Variants in SUSD3 observed in about 807,000 individuals in gnomAD.
SUSD3 encodes the protein sushi domain containing 3, also known as sushi domain-containing protein 3.
A neutral mutation model predicts 20.6 loss-of-function variants in SUSD3; 18 were observed. The observed-to-expected ratio is 0.87, with a 90% CI of 0.60 to 1.30. The LOEUF (loss-of-function observed/expected upper bound fraction) is 1.30. SUSD3 is among the 50% of genes most tolerant of loss of function. The pLI, the probability that SUSD3 is intolerant of heterozygous loss-of-function variation, is 0.00. For synonymous variants in SUSD3, 137 were observed against 141.5 expected, an observed-to-expected ratio of 0.97 and a Z score of 0.23; for missense variants, 306 against 346.9, an observed-to-expected ratio of 0.88 and a Z score of 0.94.
intron 1 of SUSD3, among the ~76,000 whole-genome samples, chr9:93,074,257 C>T (rs1014951356): frequency 5.0e-4 from 76 of 151,648 alleles, no homozygotes; most frequent in African/African-American, 1.7e-3. Flanking sequence ...GGTGAAACCC[C>T]GTCTCTACTA....
At chr9:93,062,225 G>T (rs1212873574) in intron 1 of SUSD3, among the ~76,000 whole-genome samples, 20 of 152,256 alleles carry the variant, frequency 1.3e-4, no homozygotes, top group Non-Finnish European at 1.5e-5. Context: ...CATCACACAG[G>T]TGTGGCCCTG....
intron 1 of SUSD3, among the ~76,000 whole-genome samples, chr9:93,074,088 C>T (rs76417527): frequency 0.068 from 10,392 of 152,138 alleles, 438 homozygotes; most frequent in South Asian, 0.11. Flanking sequence ...CAGCTGTTGT[C>T]GTTATAATTT....
intron 1 of SUSD3, among the ~76,000 whole-genome samples, chr9:93,063,818 C>CT (rs1326426048): frequency 1.3e-5 from 2 of 152,156 alleles, no homozygotes; most frequent in African/African-American, 4.8e-5. Context: ...TTCTGGTCAG[C>CT]TGGCTACAAA....
At chr9:93,078,531 G>C (rs1826268765) in intron 3 of SUSD3, among the ~76,000 whole-genome samples, 1 of 152,126 alleles carries the variant, frequency 6.6e-6, no homozygotes, top group African/African-American at 2.4e-5. Context: ...CAAAGTGCTG[G>C]GATTACAGGC....
chr9:93,059,260 A>G (rs1191137625), intron 1 of SUSD3, among the ~76,000 whole-genome samples: 1 of 152,136 alleles, frequency 6.6e-6, no homozygotes, highest in Non-Finnish European at 1.5e-5. Flanking sequence ...GGGAGGTGTC[A>G]TCTTCACGAT....
At chr9:93,072,379 G>A (rs999342382) in intron 1 of SUSD3, among the ~76,000 whole-genome samples, 5 of 152,174 alleles carry the variant, frequency 3.3e-5, no homozygotes, top group African/African-American at 9.7e-5. Flanking sequence ...GGTGCTGCTG[G>A]GGAGTGGGTC....
At chr9:93,073,783 A>G (rs1364166436) in intron 1 of SUSD3, among the ~76,000 whole-genome samples, 1 of 152,220 alleles carries the variant, frequency 6.6e-6, no homozygotes, top group African/African-American at 2.4e-5. Context: ...TGCTGTGAAA[A>G]GTAACCAGCT....
At chr9:93,066,510 G>T (rs1311353212) in intron 1 of SUSD3, among the ~76,000 whole-genome samples, 2 of 152,030 alleles carry the variant, frequency 1.3e-5, no homozygotes, top group Non-Finnish European at 2.9e-5. Context: ...GGGATTACAG[G>T]TATGAGCCAC....
At chr9:93,071,718 A>T (rs1463204434) in intron 1 of SUSD3, among the ~76,000 whole-genome samples, 1 of 152,206 alleles carries the variant, frequency 6.6e-6, no homozygotes, top group African/African-American at 2.4e-5. Flanking sequence ...ATCTATGCTC[A>T]CACCTCATTG....
chr9:93,064,091 C>T (rs1282262276), intron 1 of SUSD3, among the ~76,000 whole-genome samples: 1 of 152,152 alleles, frequency 6.6e-6, no homozygotes, highest in Non-Finnish European at 1.5e-5. Flanking sequence ...CTTTGTCAAC[C>T]AGGCTAGAGT....
At chr9:93,077,136 C>A (rs10761192) in intron 2 of SUSD3, among the ~76,000 whole-genome samples, 26,829 of 152,080 alleles carry the variant, frequency 0.18, 3,495 homozygotes, top group African/African-American at 0.36. Context: ...GATTCCGAGG[C>A]CTTTTTTAGC....
In SUSD3 at chr9:93,064,910, G is replaced by A. The variant is rs570964703; in HGVS notation, c.88+6080G>A. Among the ~76,000 whole-genome samples the A allele has an allele frequency of 3.9e-5, 6 of 152,334 alleles. No homozygotes were observed. The East Asian group carries it at 1.2e-3, about 29-fold the overall frequency. On this transcript the variant is annotated intron_variant, in intron 1 of 4. Transcript: ENST00000375472. ...TCTGGCTCCAGAGCTGGTCCTGGCT[G>A]CCTTGAGTGCATGGGAGGCCCTGGC...
intron 3 of SUSD3, 140 bp downstream of exon 3, chr9:93,078,133 C>A: frequency 8.4e-7 from 1 of 1,184,708 alleles, no homozygotes. Context: ...TCTGGGCCTG[C>A]GTCTCCCCCC....
At chr9:93,080,985 C>T (rs78606693) in intron 4 of SUSD3, among the ~76,000 whole-genome samples, 23 of 152,306 alleles carry the variant, frequency 1.5e-4, no homozygotes, top group African/African-American at 5.5e-4. Flanking sequence ...AATATTGTCA[C>T]AGATCTCCTG....
chr9:93,083,784 T>C (rs1826523154), intron 4 of SUSD3, among the ~76,000 whole-genome samples: 1 of 152,200 alleles, frequency 6.6e-6, no homozygotes, highest in Non-Finnish European at 1.5e-5. Context: ...ACTAGAGTTT[T>C]TCTGAGAATT....
rs773391409 is a variant in SUSD3, at chr9:93,058,740, A to G, written c.-3A>G. On this transcript the variant is annotated 5_prime_UTR_variant, in exon 1 of 5. Transcript: ENST00000375472. Reference sequence around the variant, plus strand: ...CCCCGCCAAGCGCCTCGGAGCGCGCAGGATGCGCTGGGCGGCCGCCACCCT... The same window carrying G: ...CCCCGCCAAGCGCCTCGGAGCGCGCGGGATGCGCTGGGCGGCCGCCACCCT... 251 of 1,233,442 alleles carry G rather than the reference A, an allele frequency of 2.0e-4. No homozygotes were observed. The highest frequency in any genetic ancestry group is 5.1e-4 in the Admixed American group (12 of 23,598). 76.4% of individuals were successfully genotyped at this position (1,233,442 alleles called of 1,614,324 possible).
At chr9:93,069,626 G>A (rs1241867121) in intron 1 of SUSD3, among the ~76,000 whole-genome samples, 1 of 152,070 alleles carries the variant, frequency 6.6e-6, no homozygotes, top group Non-Finnish European at 1.5e-5. Context: ...CACTGCTACT[G>A]TACAGAAATA....
At chr9:93,077,097 G>T (rs1310059651) in intron 2 of SUSD3, among the ~76,000 whole-genome samples, 1 of 152,224 alleles carries the variant, frequency 6.6e-6, no homozygotes, top group Admixed American at 6.5e-5. Context: ...TTCTCTACGT[G>T]GGGGAGTAAA....
chr9:93,062,272 G>A (rs11790147), intron 1 of SUSD3, among the ~76,000 whole-genome samples: 17,646 of 152,334 alleles, frequency 0.12, 1,148 homozygotes, highest in South Asian at 0.18. Context: ...CCCCTGAGCC[G>A]TGGGAGGGCC....
Sources: gnomAD v4.1 joint callset for allele counts (sites outside exome capture counted in the v4.1 genomes callset) on GRCh38, gnomAD v4.1.1 for gene constraint, MANE v1.5 for transcripts, NCBI Gene and HGNC (gene_info 2026-07-23, HGNC 2026-07-21) for gene names.